The following PCDHGA3 variants were observed in gnomAD, a reference collection of about 807,000 sequenced individuals.
PCDHGA3 encodes protocadherin gamma-A3.
PCDHGA3 carries 40 observed loss-of-function variants against 58.5 expected under a neutral mutation model. That is an observed-to-expected ratio of 0.68 (90% confidence interval 0.53 to 0.89). PCDHGA3 has a LOEUF of 0.89. PCDHGA3 is among the 40% of genes least tolerant of loss of function. The pLI is 0.00. For missense variants in PCDHGA3, 1,223 were observed against 1,195.9 expected (o/e 1.02, Z -0.33); for synonymous variants, 530 against 525.7 (o/e 1.01, Z -0.11).
chr5:141,400,588 T>TC, intron 1 of PCDHGA3: 1 of 1,606,158 alleles, frequency 6.2e-7, no homozygotes, highest in South Asian at 1.1e-5. Flanking sequence ...TACATGAAAC[T>TC]ATCGTACATT....
In PCDHGA3 at chr5:141,360,085, C is replaced by T. The variant is rs1314618060; in HGVS notation, c.2424+13628C>T. ...GTGACCTTAGCCCGGATTCTGCCAT[C>T]CCCGGAAGGCTTATTCCTCCTATGG... On this transcript the variant is annotated intron_variant, in intron 1 of 3. Coordinates refer to ENST00000253812, the MANE Select transcript of PCDHGA3 (RefSeq NM_018916.4). 3.3e-6 allele frequency: 5 copies of T among 1,492,600 alleles called. No individual in the cohort carries two copies. The African/African-American group carries it at 5.7e-5, about 17-fold the overall frequency. The allele number at this position is 1,492,600 out of a possible 1,614,324, so 92.5% of individuals were successfully genotyped here.
rs1188707468 is a variant in PCDHGA3 at position 141,384,157 on chromosome 5, A to G, written c.2424+37700A>G. The G allele has an allele frequency of 8.7e-6, 14 of 1,613,580 alleles. No individual in the cohort carries two copies. The highest frequency in any genetic ancestry group is 1.1e-5 in the South Asian group (1 of 91,054). ...CCGGGAAACACTCTCTTTGTATAAC[A>G]TCACACTGAAAGCCACAGATGGTGG... On this transcript the variant is annotated intron_variant, in intron 1 of 3. Coordinates refer to ENST00000253812, the MANE Select transcript of PCDHGA3 (RefSeq NM_018916.4).
chr5:141,418,954 T>C (rs1490406390), intron 1 of PCDHGA3: 2 of 1,613,914 alleles, frequency 1.2e-6, no homozygotes, highest in Admixed American at 1.7e-5. Flanking sequence ...CAGGAGTGGT[T>C]GTTGCCCTCT....
chr5:141,355,256 T>C, intron 1 of PCDHGA3: 1 of 1,613,468 alleles, frequency 6.2e-7, no homozygotes, highest in East Asian at 2.2e-5. Context: ...ATCTGCCTTC[T>C]CCTGGGGGTT....
rs748395200 is a variant in PCDHGA3, at chr5:141,374,991, CT to C, written c.2424+28536del. On this transcript the variant is annotated intron_variant, in intron 1 of 3. Transcript: ENST00000253812. Reference sequence around the variant, plus strand: ...AATGTTTTGACTGGAGAAATTTCAACTTCTGCAAATCTAGACTATGAGGACT... The same window carrying C: ...AATGTTTTGACTGGAGAAATTTCAACTCTGCAAATCTAGACTATGAGGACT... The C allele has an allele frequency of 5.6e-6, 9 of 1,613,918 alleles. No individual in the cohort carries two copies. In the East Asian group the frequency reaches 2.0e-4, roughly 36 times the overall value.
intron 1 of PCDHGA3, among the ~76,000 whole-genome samples, chr5:141,458,248 G>A (rs173682): frequency 3.3e-5 from 5 of 152,112 alleles, no homozygotes; most frequent in African/African-American, 9.7e-5. Flanking sequence ...AAAATGATAC[G>A]GCTCTGATGA....
At position 141,379,889 on chromosome 5, in the gene PCDHGA3, C is replaced by CTTT. The variant is rs70988800; in HGVS notation, c.2424+33460_2424+33462dup. On this transcript the variant is annotated intron_variant, in intron 1 of 3. Transcript: ENST00000253812. Reference sequence around the variant, plus strand: ...CTTATTTTATGGTCTGTGAAAGCCTCTTTTTTTTTTTTTTTTTTTTTTTTT... The same window carrying CTTT: ...CTTATTTTATGGTCTGTGAAAGCCTCTTTTTTTTTTTTTTTTTTTTTTTTTTTT... Among the ~76,000 whole-genome samples the CTTT allele has an allele frequency of 4.3e-3, 221 of 50,830 alleles. 36 individuals are homozygous for CTTT. The highest frequency in any genetic ancestry group is 5.4e-3 in the Non-Finnish European group (141 of 25,886). The allele number at this position is 50,830 out of a possible 152,430, so 33.3% of individuals were successfully genotyped here.
rs569362520 is a variant in PCDHGA3 at position 141,415,063 on chromosome 5, G to T, written c.2424+68606G>T. ...CGCGGTGGGGGAGCACACGGGCGAG[G>T]TGCGCACGGCGCGAGCCCTGCTGGA... On this transcript the variant is annotated intron_variant, in intron 1 of 3. Coordinates refer to ENST00000253812, the MANE Select transcript of PCDHGA3 (RefSeq NM_018916.4). The T allele has an allele frequency of 3.1e-6, 5 of 1,613,432 alleles. No individual in the cohort carries two copies. The highest frequency in any genetic ancestry group is 3.3e-5 in the Admixed American group (2 of 60,008).
chr5:141,415,651 A>C, intron 1 of PCDHGA3: 1 of 1,595,106 alleles, frequency 6.3e-7, no homozygotes. Context: ...TAAAAAAAAA[A>C]AGATTGGTTT....
Position 141,344,461 on chromosome 5 carries a change from G to C in PCDHGA3, c.428G>C (p.Gly143Ala). 6.2e-7 allele frequency: 1 copy of C among 1,613,820 alleles called. No individual in the cohort carries two copies. Among genetic ancestry groups the C allele is most frequent in the Non-Finnish European group, 8.5e-7 (1 of 1,179,814 alleles). ...FPTEELEIKI[G>A]ELTVPGTRFP... ...ACAGAGGAATTGGAAATAAAAATTG[G>C]TGAACTAACGGTTCCTGGAACCCGA... The change falls in exon 1 of 4, where the codon GGT (glycine) becomes GCT (alanine). Residue 143 changes from glycine (G) to alanine (A), a missense_variant. By Grantham distance (60) the Gly-to-Ala change is moderately conservative (BLOSUM62 0). This residue lies in a region of PCDHGA3 where 791 missense variants were observed against 708.5 expected (regional missense o/e 1.12). Transcript: ENST00000253812.
intron 1 of PCDHGA3, chr5:141,361,398 C>A: frequency 6.2e-7 from 1 of 1,614,006 alleles, no homozygotes; most frequent in African/African-American, 1.3e-5. Context: ...ACAATCTCAC[C>A]ATCACAGCCA....
In PCDHGA3 at chr5:141,491,177, T is replaced by G; in HGVS notation, c.2425-3630T>G. The G allele has an allele frequency of 6.2e-7, 1 of 1,614,158 alleles. No homozygotes were observed. Among genetic ancestry groups the G allele is most frequent in the Non-Finnish European group, 8.5e-7 (1 of 1,180,010 alleles). Reference sequence around the variant, plus strand: ...GACTCTGACACCCAGCAGGTGGTGGTCCTGGTGAGGGACAATGGTGACCCT... The same window carrying G: ...GACTCTGACACCCAGCAGGTGGTGGGCCTGGTGAGGGACAATGGTGACCCT... On this transcript the variant is annotated intron_variant, in intron 1 of 3. Transcript: ENST00000253812. This position sits in a 1 kb window ranked among gnomAD's most constrained non-coding sequence, Gnocchi z 6.9.
intron 3 of PCDHGA3, 110 bp from the exon 4 acceptor site, chr5:141,510,837 G>A (rs969654751): frequency 1.3e-6 from 2 of 1,586,392 alleles, no homozygotes; most frequent in Non-Finnish European, 8.6e-7. Context: ...GCTCAGCGTG[G>A]TCAAGGCCCA....
rs1219684339 is a variant in PCDHGA3, at chr5:141,506,444, CAA to C, written c.2572+983_2572+984del. Among the ~76,000 whole-genome samples the C allele has an allele frequency of 5.9e-3, 564 of 95,004 alleles. 2 individuals carry two copies. The highest frequency in any genetic ancestry group is 0.013 in the African/African-American group (317 of 25,186). 62.3% of individuals were successfully genotyped at this position (95,004 alleles called of 152,430 possible). Reference sequence around the variant, plus strand: ...CCTGGGCAACAGTCTCGCTCTGTCTCAAAAAAAAAAAAAAAAAAAAAGAGCAC... The same window carrying C: ...CCTGGGCAACAGTCTCGCTCTGTCTCAAAAAAAAAAAAAAAAAAAGAGCAC... On this transcript the variant is annotated intron_variant, in intron 3 of 3. Transcript: ENST00000253812.
chr5:141,489,206 C>A lies in PCDHGA3; in HGVS notation c.2425-5601C>A. On this transcript the variant is annotated intron_variant, in intron 1 of 3. Transcript: ENST00000253812. This position sits in a 1 kb window ranked among gnomAD's most constrained non-coding sequence, Gnocchi z 4.5. ...TGGGTCTACCTTGGAGACAGGACAG[C>A]ACAGACTTACTCTCCACAAAGGGAC... 2 of 1,439,024 alleles carry A rather than the reference C, an allele frequency of 1.4e-6. No individual in the cohort carries two copies. Among genetic ancestry groups the A allele is most frequent in the Non-Finnish European group, 1.9e-6 (2 of 1,060,928 alleles). 89.1% of individuals were successfully genotyped at this position (1,439,024 alleles called of 1,614,324 possible). A position where few individuals can be genotyped will look rare whatever the true frequency, so the allele number is the denominator to read the frequency against.
chr5:141,477,433 C>T lies in PCDHGA3; in HGVS notation c.2425-17374C>T, dbSNP rs1389102640. On this transcript the variant is annotated intron_variant, in intron 1 of 3. Transcript: ENST00000253812. The surrounding 1 kb of genome is among the most constrained non-coding windows in gnomAD (Gnocchi z 4.9). ...ACGCCGGAACCCCTTCCCTCTCAGCCCTTACAATAGTGCGTGTTCAAGTGT... is the reference window on the plus strand; with the variant it reads ...ACGCCGGAACCCCTTCCCTCTCAGCTCTTACAATAGTGCGTGTTCAAGTGT... 6.2e-7 allele frequency: 1 copy of T among 1,614,048 alleles called. No individual in the cohort carries two copies. The highest frequency in any genetic ancestry group is 2.2e-5 in the East Asian group (1 of 44,892).
chr5:141,405,815 T>C (rs755764286), intron 1 of PCDHGA3, among the ~76,000 whole-genome samples: 14 of 103,812 alleles, frequency 1.3e-4, no homozygotes, highest in Non-Finnish European at 2.3e-4. Flanking sequence ...TCTTTAACTG[T>C]CTGTACTTAA....
At chr5:141,355,043 A>G in intron 1 of PCDHGA3, 1 of 1,127,008 alleles carries the variant, frequency 8.9e-7, no homozygotes, top group South Asian at 1.9e-5. Flanking sequence ...TTTCTGCAGC[A>G]CAAAGCACTG....
chr5:141,487,798 G>A lies in PCDHGA3; in HGVS notation c.2425-7009G>A, dbSNP rs1197016007. 6.7e-7 allele frequency: 1 copy of A among 1,498,792 alleles called. No homozygotes were observed. Among genetic ancestry groups the A allele is most frequent in the South Asian group, 1.3e-5 (1 of 78,368 alleles). 92.8% of individuals were successfully genotyped at this position (1,498,792 alleles called of 1,614,324 possible). On this transcript the variant is annotated intron_variant, in intron 1 of 3. Coordinates refer to ENST00000253812, the MANE Select transcript of PCDHGA3 (RefSeq NM_018916.4). The surrounding 1 kb of genome is among the most constrained non-coding windows in gnomAD (Gnocchi z 5.0). ...ACTGTTTCGTGAATTAACCAGAGTT[G>A]TCACAGTTTAGCATTGGGGGCGGGT...
Sources: allele counts gnomAD v4.1 joint callset (sites outside exome capture counted in the v4.1 genomes callset), GRCh38; gene constraint gnomAD v4.1.1; regional missense constraint gnomAD v4.1.1; non-coding constraint Gnocchi (gnomAD v3.1); transcripts MANE v1.5; gene names NCBI Gene and HGNC (gene_info 2026-07-23, HGNC 2026-07-21).